Variants in ARHGEF17 observed in about 807,000 individuals in gnomAD.
ARHGEF17 encodes 164 kDa Rho-specific guanine-nucleotide exchange factor.
A neutral mutation model predicts 174.0 loss-of-function variants in ARHGEF17; 80 were observed. That is an observed-to-expected ratio of 0.46 (90% CI 0.38 to 0.55). The LOEUF (loss-of-function observed/expected upper bound fraction) is 0.55, where lower values mean the gene tolerates loss of function less well. Ranked by LOEUF, ARHGEF17 falls within the 20% of genes least tolerant of loss-of-function variation. ARHGEF17 has a pLI of 0.00. For missense variants in ARHGEF17, 2,886 were observed against 2,839.7 expected, an observed-to-expected ratio of 1.02 and a Z score of -0.37; for synonymous variants, 1,311 against 1,189.1, an observed-to-expected ratio of 1.10 and a Z score of -2.11.
Position 73,357,056 on chromosome 11 carries a change from T to G in ARHGEF17, c.3923T>G (p.Leu1308Arg). 6.2e-7 allele frequency: 1 copy of G among 1,614,156 alleles called. No homozygotes were observed. Among genetic ancestry groups the G allele is most frequent in the Non-Finnish European group, 8.5e-7 (1 of 1,180,024 alleles). Residue 1308 changes from leucine (L) to arginine (R), a missense_variant, in exon 8 of 21, where the codon CTC (leucine) becomes CGC (arginine). By Grantham distance (102) the Leu-to-Arg change is moderately radical. Transcript: ENST00000263674. ...ATCGGTGGCAAGAAGGACCGGTCTC[T>G]CTTCCTGTTCACGGACCTCATCGTC... ...KAIGGKKDRSLFLFTDLIVCT... is the reference protein window; with the variant it reads ...KAIGGKKDRSRFLFTDLIVCT...
Position 73,309,923 on chromosome 11 carries a change from C to T in ARHGEF17, c.1285C>T (p.Arg429Trp), listed in dbSNP as rs1232213384. The T allele has an allele frequency of 8.7e-6, 14 of 1,613,338 alleles. No homozygotes were observed. Among genetic ancestry groups the T allele is most frequent in the Admixed American group, 1.7e-5 (1 of 60,030 alleles). ...PSFGAGEGLL[R>W]SQARTRAKGP... The stretch of plus-strand genomic sequence containing the variant: ...CTTTGGAGCTGGGGAAGGGCTCCTG[C>T]GGTCCCAGGCTCGAACCCGTGCCAA... The change falls in exon 1 of 21, where the codon CGG becomes TGG. Residue 429 changes from arginine (R) to tryptophan (W), a missense_variant. Coordinates refer to ENST00000263674, the MANE Select transcript of ARHGEF17 (RefSeq NM_014786.4).
At chr11:73,319,544 T>G (rs907994980) in intron 1 of ARHGEF17, among the ~76,000 whole-genome samples, 2 of 152,260 alleles carry the variant, frequency 1.3e-5, no homozygotes, top group Non-Finnish European at 2.9e-5. Context: ...GCCATTATTC[T>G]TTCTACTGCA....
chr11:73,327,350 G>A (rs954292056), intron 1 of ARHGEF17, among the ~76,000 whole-genome samples: 7 of 152,218 alleles, frequency 4.6e-5, no homozygotes, highest in African/African-American at 1.4e-4. Context: ...TCCAGGAATC[G>A]TCCTGACTCC....
intron 3 of ARHGEF17, 46 bp from the exon 4 acceptor site, chr11:73,355,487 G>A (rs777900119): frequency 7.7e-7 from 1 of 1,302,412 alleles, no homozygotes; most frequent in Non-Finnish European, 1.1e-6. Flanking sequence ...GGTGAGGTGG[G>A]GTGAGGGACA....
intron 13 of ARHGEF17, 55 bp downstream of exon 13, chr11:73,362,294 T>C: frequency 6.8e-7 from 1 of 1,463,008 alleles, no homozygotes; most frequent in South Asian, 1.4e-5. Flanking sequence ...AACCAACCCC[T>C]GTCCCAGCAC....
At chr11:73,334,600 G>A (rs1865258292) in intron 1 of ARHGEF17, among the ~76,000 whole-genome samples, 1 of 152,200 alleles carries the variant, frequency 6.6e-6, no homozygotes, top group Admixed American at 6.5e-5. Context: ...CTTCAGCCGA[G>A]GCAGGCTCTG....
chr11:73,311,246 C>T lies in ARHGEF17; in HGVS notation c.2608C>T (p.Arg870Trp), dbSNP rs1166686049. 1.2e-5 allele frequency: 19 copies of T among 1,611,268 alleles called. No individual in the cohort carries two copies. The highest frequency in any genetic ancestry group is 3.3e-5 in the South Asian group (3 of 90,926). ...SSSEPILVEQ[R>W]AEPEEPGATR... is the part of the protein sequence containing the mutation. ...CAGCGAGCCCATCCTTGTAGAGCAG[C>T]GGGCAGAGCCAGAAGAACCTGGTGC... The change falls in exon 1 of 21, where the codon CGG becomes TGG. Residue 870 changes from arginine to tryptophan, a missense_variant. Arg to Trp is a moderately radical substitution (Grantham distance 101). Around this residue, in one of 4 missense-constraint regions of ARHGEF17, gnomAD observed 1,728 missense variants for 1,461.2 expected, o/e 1.18. Coordinates refer to ENST00000263674, the MANE Select transcript of ARHGEF17 (RefSeq NM_014786.4).
rs955694067 is a variant in ARHGEF17 at position 73,364,301 on chromosome 11, C to G, written c.5401+62C>G. 1.9e-6 allele frequency: 3 copies of G among 1,606,582 alleles called. No homozygotes were observed. In the African/African-American group the frequency reaches 4.0e-5, roughly 22 times the overall value. ...CCCTTACTGGTGTTGGGGCTCTCTC[C>G]TGGAGATGTGGCTTTGGGCAACTCC... On this transcript the variant is annotated intron_variant, in intron 17 of 20. Coordinates refer to ENST00000263674, the MANE Select transcript of ARHGEF17 (RefSeq NM_014786.4).
At position 73,361,198 on chromosome 11, in the gene ARHGEF17, C is replaced by G. The variant is rs143685265; in HGVS notation, c.4494+37C>G. 749 of 1,594,958 alleles carry G rather than the reference C, an allele frequency of 4.7e-4. 1 individual carries two copies. In the African/African-American group the frequency reaches 8.3e-3, roughly 18 times the overall value. On this transcript the variant is annotated intron_variant, in intron 12 of 20. Transcript: ENST00000263674. ...TCTGGGTCACTTGGGTACATGTTTTCAAAGCCAGCAGGTGTTCATGAATTT... is the reference window on the plus strand; with the variant it reads ...TCTGGGTCACTTGGGTACATGTTTTGAAAGCCAGCAGGTGTTCATGAATTT...
intron 1 of ARHGEF17, among the ~76,000 whole-genome samples, chr11:73,338,135 C>T (rs1262132605): frequency 2.6e-5 from 4 of 152,074 alleles, no homozygotes; most frequent in African/African-American, 4.8e-5. Context: ...AAGAGAGGGT[C>T]TCTAGGAAAC....
At chr11:73,323,522 AGAG>A (rs1865050313) in intron 1 of ARHGEF17, among the ~76,000 whole-genome samples, 1 of 152,244 alleles carries the variant, frequency 6.6e-6, no homozygotes, top group Admixed American at 6.5e-5. Flanking sequence ...TTCCTGAAGA[AGAG>A]GAGAGCCGCG....
At chr11:73,318,609 G>A (rs763535923) in intron 1 of ARHGEF17, among the ~76,000 whole-genome samples, 1 of 152,212 alleles carries the variant, frequency 6.6e-6, no homozygotes, top group Non-Finnish European at 1.5e-5. Flanking sequence ...TAGCCTGGGC[G>A]ACAGAGTGAG....
At chr11:73,356,662 G>A (rs1477285062) in intron 6 of ARHGEF17, 47 bp from the exon 7 acceptor site, 2 of 1,611,892 alleles carry the variant, frequency 1.2e-6, no homozygotes, top group Admixed American at 1.7e-5. Flanking sequence ...GAGGGGATAG[G>A]GATTAATAAC....
intron 1 of ARHGEF17, among the ~76,000 whole-genome samples, chr11:73,335,844 G>C: frequency 6.6e-6 from 1 of 152,200 alleles, no homozygotes; most frequent in East Asian, 1.9e-4. Flanking sequence ...TCCCCCATTT[G>C]TTTACAGAGG....
In ARHGEF17 at chr11:73,310,022, C is replaced by A. The variant is rs774660799; in HGVS notation, c.1384C>A (p.Leu462Met). 9.9e-6 allele frequency: 16 copies of A among 1,614,052 alleles called. No individual in the cohort carries two copies. The highest frequency in any genetic ancestry group is 1.4e-5 in the Non-Finnish European group (16 of 1,180,024). The change falls in exon 1 of 21, where the codon CTG (leucine) becomes ATG (methionine). Residue 462 changes from leucine (L) to methionine (M), a missense_variant. Coordinates refer to ENST00000263674, the MANE Select transcript of ARHGEF17 (RefSeq NM_014786.4). ...TGAAAAGAGTCGACAGCGGAAGTCC[C>A]TGTCAAATCCAGATATCGCCTCAGA... The part of the protein sequence containing the change: ...EPEKSRQRKS[L>M]SNPDIASETL...
intron 2 of ARHGEF17, among the ~76,000 whole-genome samples, chr11:73,349,916 C>T (rs554606575): frequency 3.9e-5 from 6 of 152,220 alleles, no homozygotes; most frequent in African/African-American, 7.2e-5. Context: ...GGTCTGGCTC[C>T]AGGTCAGGAG....
At chr11:73,356,981 T>C in intron 7 of ARHGEF17, 44 bp from the exon 8 acceptor site, 8 of 1,601,426 alleles carry the variant, frequency 5.0e-6, no homozygotes, top group East Asian at 2.2e-5. Context: ...GGTGGGCTTC[T>C]GGACTGTGTC....
intron 1 of ARHGEF17, among the ~76,000 whole-genome samples, chr11:73,330,087 T>C (rs79482430): frequency 1.3e-3 from 199 of 152,364 alleles, no homozygotes; most frequent in African/African-American, 4.7e-3. Context: ...ATGCTTCATA[T>C]CCTTTGTCTA....
intron 6 of ARHGEF17, 146 bp from the exon 7 acceptor site, chr11:73,356,563 T>G (rs1214355085): frequency 8.2e-7 from 1 of 1,225,368 alleles, no homozygotes; most frequent in East Asian, 2.4e-5. Flanking sequence ...TCCTGTGGCC[T>G]GGCAGCACAA....
Sources: gnomAD v4.1 joint callset for allele counts (sites outside exome capture counted in the v4.1 genomes callset) on GRCh38, gnomAD v4.1.1 for gene constraint, gnomAD v4.1.1 regional missense constraint, MANE v1.5 for transcripts, NCBI Gene and HGNC (gene_info 2026-07-23, HGNC 2026-07-21) for gene names.